FRMD4A: variants seen among roughly 807,000 people sequenced by gnomAD.
FRMD4A encodes FERM domain-containing protein 4A.
In FRMD4A, 29 loss-of-function variants were observed where a neutral mutation model predicts 129.1. The ratio of observed to expected loss-of-function variants is 0.22; its 90% CI spans 0.17 to 0.31. FRMD4A has a LOEUF of 0.31. Ranked by LOEUF, FRMD4A falls within the 10% of genes least tolerant of loss-of-function variation. FRMD4A has a pLI of 1.00. For synonymous variants in FRMD4A, 634 were observed against 571.6 expected (o/e 1.11, Z -1.56); for missense variants, 1,272 against 1,375.8 (o/e 0.92, Z 1.19).
Position 13,733,048 on chromosome 10 carries a change from G to A in FRMD4A, c.759+4796C>T, listed in dbSNP as rs190753065. Among the ~76,000 whole-genome samples, 278 of 152,330 alleles carry A rather than the reference G, an allele frequency of 1.8e-3. 1 individual carries two copies. Among genetic ancestry groups the A allele is most frequent in the Non-Finnish European group, 3.3e-3 (226 of 68,028 alleles). On this transcript the variant is annotated intron_variant, in intron 12 of 24. Coordinates refer to ENST00000357447, the MANE Select transcript of FRMD4A (RefSeq NM_018027.5). ...TCAGATGAGTTCCTGATGTACAGCGGAGGTTAAGAGCCACTGGCCTGGAGG... is the reference window on the plus strand; with the variant it reads ...TCAGATGAGTTCCTGATGTACAGCGAAGGTTAAGAGCCACTGGCCTGGAGG...
At chr10:13,676,588 C>T (rs1376281829) in intron 15 of FRMD4A, among the ~76,000 whole-genome samples, 1 of 152,144 alleles carries the variant, frequency 6.6e-6, no homozygotes, top group Admixed American at 6.5e-5. Context: ...TACAACTTTT[C>T]TTTGCAAGCC....
chr10:13,834,193 G>A (rs1162255624), intron 3 of FRMD4A, among the ~76,000 whole-genome samples: 1 of 152,142 alleles, frequency 6.6e-6, no homozygotes, highest in Non-Finnish European at 1.5e-5. Context: ...GAACTTGGGA[G>A]GTGGAGGTTG....
intron 2 of FRMD4A, among the ~76,000 whole-genome samples, chr10:14,267,797 A>C (rs913749446): frequency 3.0e-4 from 46 of 152,208 alleles, no homozygotes; most frequent in African/African-American, 1.1e-3. Flanking sequence ...TAGCTTTGGG[A>C]AAACTCGATT....
chr10:13,693,405 G>A (rs11258531), intron 15 of FRMD4A: 97,043 of 506,408 alleles, frequency 0.19, 10,281 homozygotes, highest in East Asian at 0.41. Flanking sequence ...AATTTCAAAA[G>A]GCACTGAATG....
intron 2 of FRMD4A, among the ~76,000 whole-genome samples, chr10:14,142,339 G>A (rs573015475): frequency 6.6e-6 from 1 of 152,068 alleles, no homozygotes; most frequent in Non-Finnish European, 1.5e-5. Flanking sequence ...TGCTATTAAG[G>A]GAAACTGTCA....
At position 13,779,322 on chromosome 10, in the gene FRMD4A, A is replaced by G. The variant is rs75521301; in HGVS notation, c.384+3600T>C. Among the ~76,000 whole-genome samples the G allele has an allele frequency of 2.4e-5, 3 of 125,178 alleles. No homozygotes were observed. In the South Asian group the frequency reaches 7.8e-4, roughly 33 times the overall value. The allele number at this position is 125,178 out of a possible 152,430, so 82.1% of individuals were successfully genotyped here. On this transcript the variant is annotated intron_variant, in intron 6 of 24. Coordinates refer to ENST00000357447, the MANE Select transcript of FRMD4A (RefSeq NM_018027.5). ...CAGAGTGAGACTCCATCTCCAAGAA[A>G]AAAAAAAAAAAGACTTATTTAATCT... is the stretch of plus-strand genomic sequence containing the variant.
chr10:13,938,515 T>C (rs1396678102), intron 2 of FRMD4A, among the ~76,000 whole-genome samples: 1 of 152,198 alleles, frequency 6.6e-6, no homozygotes, highest in East Asian at 1.9e-4. Flanking sequence ...AGTGCTAGGA[T>C]TGTAGGCATG....
chr10:13,704,774 CCTT>C (rs1179584427), intron 13 of FRMD4A, among the ~76,000 whole-genome samples: 1 of 152,270 alleles, frequency 6.6e-6, no homozygotes, highest in Admixed American at 6.5e-5. Flanking sequence ...TCCATGAGTT[CCTT>C]CTTCTCAGCC....
At chr10:13,992,728 C>G (rs142805600) in intron 2 of FRMD4A, among the ~76,000 whole-genome samples, 1 of 151,828 alleles carries the variant, frequency 6.6e-6, no homozygotes, top group Non-Finnish European at 1.5e-5. Flanking sequence ...CCAAGACACG[C>G]GGATCACCTG....
intron 2 of FRMD4A, among the ~76,000 whole-genome samples, chr10:14,077,336 T>C (rs980044736): frequency 1.3e-5 from 2 of 152,210 alleles, no homozygotes; most frequent in Admixed American, 6.5e-5. Flanking sequence ...AGTTTCTTCA[T>C]TTGTCACTCG....
chr10:14,274,135 G>A (rs898352167), intron 2 of FRMD4A, among the ~76,000 whole-genome samples: 6 of 152,226 alleles, frequency 3.9e-5, no homozygotes, highest in African/African-American at 1.4e-4. Context: ...AGCAAGGCCT[G>A]GAGGAAGGGC....
intron 2 of FRMD4A, among the ~76,000 whole-genome samples, chr10:14,267,270 A>G (rs1471258651): frequency 6.6e-6 from 1 of 152,254 alleles, no homozygotes; most frequent in Non-Finnish European, 1.5e-5. Context: ...GGGAACACAC[A>G]TCTGTCTAGA....
At chr10:14,220,811 T>TG (rs1564396385) in intron 2 of FRMD4A, among the ~76,000 whole-genome samples, 284 of 112,674 alleles carry the variant, frequency 2.5e-3, no homozygotes, top group African/African-American at 9.8e-3. Context: ...TGTGTGTGTG[T>TG]TTGTGTGTGT....
chr10:14,010,944 C>T (rs1301081240), intron 2 of FRMD4A, among the ~76,000 whole-genome samples: 1 of 152,128 alleles, frequency 6.6e-6, no homozygotes, highest in African/African-American at 2.4e-5. Flanking sequence ...ATTGGCAGGC[C>T]ATGTGCTGTG....
At chr10:13,811,986 G>T (rs1446011896) in intron 3 of FRMD4A, among the ~76,000 whole-genome samples, 1 of 150,414 alleles carries the variant, frequency 6.6e-6, no homozygotes, top group African/African-American at 2.4e-5. Context: ...GGGTTCAAGT[G>T]ATTCTCTTGC....
At chr10:13,830,058 C>G (rs1295083773) in intron 3 of FRMD4A, among the ~76,000 whole-genome samples, 1 of 152,238 alleles carries the variant, frequency 6.6e-6, no homozygotes, top group Non-Finnish European at 1.5e-5. Flanking sequence ...CTCTCTCTCT[C>G]TCTCTTCCTT....
At chr10:13,806,690 C>T (rs1015160981) in intron 4 of FRMD4A, among the ~76,000 whole-genome samples, 4 of 152,220 alleles carry the variant, frequency 2.6e-5, no homozygotes, top group Admixed American at 6.5e-5. Context: ...AGGTCACACC[C>T]AAGCTGATTC....
At chr10:13,795,440 G>A (rs2093094160) in intron 5 of FRMD4A, among the ~76,000 whole-genome samples, 1 of 152,164 alleles carries the variant, frequency 6.6e-6, no homozygotes, top group Non-Finnish European at 1.5e-5. Context: ...CCTGTTAAGT[G>A]GACCCTTTAA....
chr10:14,114,604 C>T (rs753541249), intron 2 of FRMD4A, among the ~76,000 whole-genome samples: 2 of 152,150 alleles, frequency 1.3e-5, no homozygotes, highest in Non-Finnish European at 2.9e-5. Context: ...GAGGGAGGGG[C>T]GTGGAGGAAG....
Sources: allele counts gnomAD v4.1 joint callset (sites outside exome capture counted in the v4.1 genomes callset), GRCh38; gene constraint gnomAD v4.1.1; transcripts MANE v1.5; gene names NCBI Gene and HGNC (gene_info 2026-07-23, HGNC 2026-07-21).